CTNNA3: variants seen among roughly 807,000 people sequenced by gnomAD.
The protein encoded by CTNNA3 is catenin alpha-3.
CTNNA3 carries 76 observed loss-of-function variants against 95.7 expected under a neutral mutation model. That is an observed-to-expected ratio of 0.79 (90% CI 0.66 to 0.96). The LOEUF (loss-of-function observed/expected upper bound fraction) is 0.96, where lower values mean the gene tolerates loss of function less well. CTNNA3 is among the 40% of genes least tolerant of loss of function. The pLI is 0.00. For synonymous variants in CTNNA3, 431 were observed against 374.4 expected (o/e 1.15, Z -1.74); for missense variants, 1,191 against 1,089.8 (o/e 1.09, Z -1.31).
intron 13 of CTNNA3, among the ~76,000 whole-genome samples, chr10:66,252,718 G>T (rs1215600891): frequency 6.6e-6 from 1 of 152,152 alleles, no homozygotes; most frequent in South Asian, 2.1e-4. Flanking sequence ...GGGTCTAGTG[G>T]AATGACAAAA....
At chr10:66,224,532 T>C (rs1046933517) in intron 13 of CTNNA3, among the ~76,000 whole-genome samples, 4 of 152,192 alleles carry the variant, frequency 2.6e-5, no homozygotes, top group African/African-American at 9.6e-5. Context: ...AGAAATTTTC[T>C]CTTACAATTT....
intron 7 of CTNNA3, among the ~76,000 whole-genome samples, chr10:67,113,927 T>C (rs991545705): frequency 6.6e-6 from 1 of 151,872 alleles, no homozygotes; most frequent in Non-Finnish European, 1.5e-5. Context: ...AAAAGTTTTT[T>C]AAAAAATTAG....
At chr10:66,639,194 T>G (rs1444706491) in intron 9 of CTNNA3, among the ~76,000 whole-genome samples, 1 of 84,862 alleles carries the variant, frequency 1.2e-5, no homozygotes, top group African/African-American at 6.1e-5. Context: ...GGTACATTAG[T>G]TGAACCATAG....
intron 6 of CTNNA3, among the ~76,000 whole-genome samples, chr10:67,206,459 A>G (rs1343039025): frequency 2.0e-5 from 3 of 152,170 alleles, no homozygotes; most frequent in Non-Finnish European, 4.4e-5. Flanking sequence ...AGATTACTGT[A>G]TCATTTAAAT....
At chr10:67,657,215 A>G (rs1327536531) in intron 1 of CTNNA3, among the ~76,000 whole-genome samples, 1 of 152,184 alleles carries the variant, frequency 6.6e-6, no homozygotes, top group Non-Finnish European at 1.5e-5. Context: ...TGAGGTGGGA[A>G]TGGCTGCAAG....
chr10:66,039,652 G>C, intron 15 of CTNNA3, among the ~76,000 whole-genome samples: 1 of 152,112 alleles, frequency 6.6e-6, no homozygotes, highest in Non-Finnish European at 1.5e-5. Context: ...TTCAAAAAAT[G>C]GTGCTGGGAT....
intron 5 of CTNNA3, among the ~76,000 whole-genome samples, chr10:67,366,678 G>C (rs1843231626): frequency 1.3e-5 from 2 of 151,694 alleles, no homozygotes; most frequent in Non-Finnish European, 2.9e-5. Flanking sequence ...TAATGGGACA[G>C]AATAGAGAAC....
At position 66,775,430 on chromosome 10, in the gene CTNNA3, C is replaced by T. The variant is rs1176663967; in HGVS notation, c.1128+14G>A. On this transcript the variant is annotated intron_variant, in intron 8 of 17. Transcript: ENST00000433211. Reference sequence around the variant, plus strand: ...CCCCTATGTTTCTGACTCCATATCTCTCTCTTCCCTCACCTGTCTGCGAAG... The same window carrying T: ...CCCCTATGTTTCTGACTCCATATCTTTCTCTTCCCTCACCTGTCTGCGAAG... 3 of 1,581,872 alleles carry T rather than the reference C, an allele frequency of 1.9e-6. No homozygotes were observed. The highest frequency in any genetic ancestry group is 1.7e-5 in the Admixed American group (1 of 57,972).
intron 1 of CTNNA3, among the ~76,000 whole-genome samples, chr10:67,661,250 AG>A (rs1840178993): frequency 6.8e-6 from 1 of 146,072 alleles, no homozygotes; most frequent in African/African-American, 2.5e-5. Flanking sequence ...CAAAAAAAAA[AG>A]AGAGAGAGAG....
intron 16 of CTNNA3, among the ~76,000 whole-genome samples, chr10:65,973,858 C>T (rs1413011365): frequency 6.6e-6 from 1 of 152,110 alleles, no homozygotes; most frequent in African/African-American, 2.4e-5. Context: ...CACCTCCCAC[C>T]AGGCCCCACC....
chr10:66,146,165 T>C (rs962018808), intron 13 of CTNNA3, among the ~76,000 whole-genome samples: 15 of 152,288 alleles, frequency 9.8e-5, no homozygotes, highest in Middle Eastern at 3.4e-3. Context: ...GTGGCTTTTT[T>C]ATATCTCAGC....
chr10:66,662,187 A>G (rs771861366), intron 9 of CTNNA3, among the ~76,000 whole-genome samples: 1 of 152,222 alleles, frequency 6.6e-6, no homozygotes, highest in Non-Finnish European at 1.5e-5. Context: ...GGGAAAATAC[A>G]TTCTACTAAA....
chr10:67,325,647 C>T (rs541784830), intron 5 of CTNNA3, among the ~76,000 whole-genome samples: 1 of 152,216 alleles, frequency 6.6e-6, no homozygotes, highest in South Asian at 2.1e-4. Context: ...TGTTTTACTT[C>T]TGATTATGTG....
intron 1 of CTNNA3, among the ~76,000 whole-genome samples, chr10:67,704,865 C>T (rs1376448819): frequency 3.3e-5 from 5 of 151,748 alleles, no homozygotes; most frequent in African/African-American, 7.3e-5. Context: ...AGAAAATTTT[C>T]GCAACCTACT....
intron 13 of CTNNA3, among the ~76,000 whole-genome samples, chr10:66,241,420 T>C (rs2090099869): frequency 6.6e-6 from 1 of 152,202 alleles, no homozygotes; most frequent in Admixed American, 6.5e-5. Flanking sequence ...CAGCTATTGT[T>C]CCAATTACAA....
chr10:67,538,579 C>CAA (rs201934941), intron 4 of CTNNA3, among the ~76,000 whole-genome samples: 17 of 113,010 alleles, frequency 1.5e-4, no homozygotes, highest in East Asian at 2.3e-4. Flanking sequence ...GACTCCATCT[C>CAA]AAAAAAAAAA....
chr10:66,538,823 C>T (rs1263458969), intron 10 of CTNNA3, among the ~76,000 whole-genome samples: 1 of 152,108 alleles, frequency 6.6e-6, no homozygotes, highest in Non-Finnish European at 1.5e-5. Flanking sequence ...ATTCACTGAA[C>T]AGAAAAGGAG....
Position 66,090,722 on chromosome 10 carries a change from A to G in CTNNA3, c.1977+12435T>C, listed in dbSNP as rs2081181843. 2.6e-5 allele frequency among the ~76,000 whole-genome samples: 4 copies of G among 152,132 alleles called. No individual in the cohort carries two copies. The South Asian group carries it at 8.3e-4, about 31-fold the overall frequency. On this transcript the variant is annotated intron_variant, in intron 14 of 17. Transcript: ENST00000433211. ...TCTTACAAGTACATGACTATTACAT[A>G]GCTGATGACTTTACACTCAAGGAAA...
intron 10 of CTNNA3, among the ~76,000 whole-genome samples, chr10:66,599,193 A>G (rs1023479499): frequency 3.9e-5 from 6 of 152,004 alleles, no homozygotes; most frequent in African/African-American, 1.4e-4. Context: ...TTGCCTTTGA[A>G]TTCCATGATT....
Sources: gnomAD v4.1 joint callset for allele counts (sites outside exome capture counted in the v4.1 genomes callset) on GRCh38, gnomAD v4.1.1 for gene constraint, MANE v1.5 for transcripts, NCBI Gene and HGNC (gene_info 2026-07-23, HGNC 2026-07-21) for gene names.